Variants in DNAH17 observed in about 807,000 individuals in gnomAD.
The protein encoded by DNAH17 is dynein axonemal heavy chain 17, also known as axonemal beta dynein heavy chain 17.
DNAH17 carries 376 observed loss-of-function variants against 485.6 expected under a neutral mutation model. The ratio of observed to expected loss-of-function variants is 0.77; its 90% CI spans 0.71 to 0.84. DNAH17 has a LOEUF of 0.84. Among genes scored for constraint, DNAH17 ranks in the 40% least tolerant of loss-of-function variants. The pLI, the probability that DNAH17 is intolerant of heterozygous loss-of-function variation, is 0.00. For synonymous variants in DNAH17, 3,031 were observed against 2,405.9 expected (o/e 1.26, Z -7.60); for missense variants, 6,370 against 5,839.3 (o/e 1.09, Z -2.96).
chr17:78,467,666 GGA>G (rs2146561606), intron 55 of DNAH17, among the ~76,000 whole-genome samples: 1 of 152,280 alleles, frequency 6.6e-6, no homozygotes, highest in Admixed American at 6.5e-5. Context: ...ACTGAACTCT[GGA>G]GAGGACGGGG....
At chr17:78,434,277 T>C (rs2086789374) in intron 74 of DNAH17, 57 bp from the exon 75 acceptor site, 2 of 1,492,892 alleles carry the variant, frequency 1.3e-6, no homozygotes, top group Non-Finnish European at 1.8e-6. Context: ...TACACAGAAA[T>C]GCCCCTGAGG....
chr17:78,558,364 G>GA (rs1384455246), intron 13 of DNAH17, 110 bp from the exon 14 acceptor site: 19 of 1,344,646 alleles, frequency 1.4e-5, no homozygotes, highest in Non-Finnish European at 1.9e-5. Flanking sequence ...AGCCGGGGGG[G>GA]ATCTCAAAGT....
intron 11 of DNAH17, among the ~76,000 whole-genome samples, chr17:78,564,049 GC>G (rs1263270372): frequency 6.6e-6 from 1 of 152,186 alleles, no homozygotes; most frequent in Non-Finnish European, 1.5e-5. Context: ...AAAGCCTGGG[GC>G]GGGGTGACTG....
rs371016100 is a variant in DNAH17, at chr17:78,541,377, GTGGATGGA to G, written c.2533-1505_2533-1498del. On this transcript the variant is annotated intron_variant, in intron 17 of 80. Transcript: ENST00000389840. ...ATGAATGTGGTGGGTAGATGTGTAAGTGGATGGATGGATGGATGGATGGGTGGATGGTT... is the reference window on the plus strand; with the variant it reads ...ATGAATGTGGTGGGTAGATGTGTAAGTGGATGGATGGATGGGTGGATGGTT... Among the ~76,000 whole-genome samples the G allele has an allele frequency of 3.2e-4, 48 of 148,526 alleles. No individual in the cohort carries two copies. In the Middle Eastern group the frequency reaches 0.014, roughly 43 times the overall value.
intron 80 of DNAH17, chr17:78,424,490 CT>C (rs1287283141): frequency 3.4e-6 from 1 of 297,274 alleles, no homozygotes; most frequent in Non-Finnish European, 6.4e-6. Context: ...GTAAAGTTCC[CT>C]GATTCTTAAT....
chr17:78,569,048 CACTT>C lies in DNAH17; in HGVS notation c.1284+114_1284+117del, dbSNP rs748665944. 3.5e-4 allele frequency: 277 copies of C among 792,082 alleles called. 1 individual carries two copies. Among genetic ancestry groups the C allele is most frequent in the Non-Finnish European group, 5.2e-4 (256 of 488,746 alleles). The allele number at this position is 792,082 out of a possible 1,614,324, so 49.1% of individuals were successfully genotyped here. On this transcript the variant is annotated intron_variant, in intron 9 of 80. Coordinates refer to ENST00000389840, the MANE Select transcript of DNAH17 (RefSeq NM_173628.4). Reference sequence around the variant, plus strand: ...TTCCTCATAACAGATATTTGGGCCTCACTTATTTTCTGCCTGGGGGATTATTGGC... The same window carrying C: ...TTCCTCATAACAGATATTTGGGCCTCATTTTCTGCCTGGGGGATTATTGGC...
intron 37 of DNAH17, 100 bp from the exon 38 acceptor site, chr17:78,496,132 C>T (rs762149505): frequency 3.9e-5 from 52 of 1,340,608 alleles, no homozygotes; most frequent in South Asian, 8.3e-5. Flanking sequence ...TGCGAATTTG[C>T]GCCTGCAAAT....
At chr17:78,515,871 G>A (rs567496984) in intron 25 of DNAH17, among the ~76,000 whole-genome samples, 5 of 152,314 alleles carry the variant, frequency 3.3e-5, no homozygotes, top group African/African-American at 7.2e-5. Context: ...GCACAGTAAC[G>A]CAGCTTCCAC....
chr17:78,497,478 C>T (rs1297158492), intron 37 of DNAH17, among the ~76,000 whole-genome samples: 2 of 152,160 alleles, frequency 1.3e-5, no homozygotes, highest in African/African-American at 4.8e-5. Flanking sequence ...CTGTGGTCTC[C>T]ATTGGAGCCC....
In DNAH17 at chr17:78,530,492, C is replaced by T. The variant is rs758038315; in HGVS notation, c.3135G>A (p.Leu1045=). The change falls in exon 21 of 81, where the codon CTG becomes CTA. Residue 1045 remains leucine, a synonymous_variant. Coordinates refer to ENST00000389840, the MANE Select transcript of DNAH17 (RefSeq NM_173628.4). ...TCTCGCACTTGGACACCTCCTCATA[C>T]AGCTTCTCGTAGGAGTCGATCTGGA... ...FQEQIDSYEK[L]YEEVSKCENT... The T allele has an allele frequency of 5.6e-6, 9 of 1,609,526 alleles. No homozygotes were observed. In the East Asian group the frequency reaches 1.8e-4, roughly 32 times the overall value.
At chr17:78,549,818 A>G (rs1286417066) in intron 16 of DNAH17, among the ~76,000 whole-genome samples, 1 of 152,142 alleles carries the variant, frequency 6.6e-6, no homozygotes, top group Non-Finnish European at 1.5e-5. Flanking sequence ...CACCGCCCAG[A>G]GCCTGCAGCC....
Position 78,472,723 on chromosome 17 carries a change from G to A in DNAH17, c.8511+2555C>T, listed in dbSNP as rs1344057909. The stretch of plus-strand genomic sequence containing the variant: ...CGAGGTCACGCACGCTGTCTCGGCA[G>A]GCACAGCCCTCGCTGGCCCTGGTTT... On this transcript the variant is annotated intron_variant, in intron 54 of 80. Coordinates refer to ENST00000389840, the MANE Select transcript of DNAH17 (RefSeq NM_173628.4). 15 of 454,926 alleles carry A rather than the reference G, an allele frequency of 3.3e-5. No individual in the cohort carries two copies. In the East Asian group the frequency reaches 1.1e-3, roughly 32 times the overall value. 28.2% of individuals were successfully genotyped at this position (454,926 alleles called of 1,614,324 possible). A position where few individuals can be genotyped will look rare whatever the true frequency, so the allele number is the denominator to read the frequency against.
At position 78,526,744 on chromosome 17, in the gene DNAH17, G is replaced by C. The variant is rs374211459; in HGVS notation, c.3625-7C>G. On this transcript the variant is annotated splice_polypyrimidine_tract_variant and splice_region_variant and intron_variant, in intron 23 of 80. Transcript: ENST00000389840. ...TGAACTCATGTTGCTTGAGCTGCGA[G>C]AGAAGAGTGCAAAGTACAGAGAGTC... 29 of 1,603,534 alleles carry C rather than the reference G, an allele frequency of 1.8e-5. No homozygotes were observed. Among genetic ancestry groups the C allele is most frequent in the Non-Finnish European group, 2.4e-5 (28 of 1,172,914 alleles).
intron 17 of DNAH17, among the ~76,000 whole-genome samples, chr17:78,540,869 G>A (rs113198173): frequency 0.58 from 85 of 146 alleles, 39 homozygotes; most frequent in Non-Finnish European, 0.7. Flanking sequence ...GTGGGTGGAT[G>A]GGTGGGTGGA....
Position 78,429,128 on chromosome 17 carries a change from T to G in DNAH17, c.12398A>C (p.Asp4133Ala), listed in dbSNP as rs2086585510. Residue 4133 changes from aspartate to alanine, a missense_variant, in exon 76 of 81, where the codon GAC becomes GCC. Transcript: ENST00000389840. ...APGFQIPPNLDYKGYHEYIDE... is the reference protein window; with the variant it reads ...APGFQIPPNLAYKGYHEYIDE... ...TTAACTTGTCATCCTTACCTTGTAGTCCAGGTTGGGGGGGATCTGAAAGCC... is the reference window on the plus strand; with the variant it reads ...TTAACTTGTCATCCTTACCTTGTAGGCCAGGTTGGGGGGGATCTGAAAGCC... 6.2e-7 allele frequency: 1 copy of G among 1,612,550 alleles called. No individual in the cohort carries two copies. Among genetic ancestry groups the G allele is most frequent in the Non-Finnish European group, 8.5e-7 (1 of 1,179,282 alleles).
chr17:78,468,636 T>C lies in DNAH17; in HGVS notation c.8759A>G (p.Lys2920Arg), dbSNP rs1372639151. The change falls in exon 55 of 81, where the codon AAA becomes AGA. Residue 2920 changes from lysine (K) to arginine (R), a missense_variant. Physicochemically the swap from Lys to Arg is conservative, Grantham distance 26. Transcript: ENST00000389840. The part of the protein sequence containing the change: ...RETCWKFFIE[K>R]VRRQLKVILC... ...CCCCACCTTGAGCTGTCTGCGCACT[T>C]TTTCGATGAAGAACTTCCAACATGT... 7 of 1,613,610 alleles carry C rather than the reference T, an allele frequency of 4.3e-6. No individual in the cohort carries two copies. The South Asian group carries it at 4.4e-5, about 10-fold the overall frequency.
chr17:78,569,347 T>C, intron 8 of DNAH17, 28 bp downstream of exon 8: 3 of 1,611,380 alleles, frequency 1.9e-6, no homozygotes, highest in South Asian at 1.1e-5. Context: ...CGTCCTGCCT[T>C]GGCCCTCGCC....
intron 44 of DNAH17, among the ~76,000 whole-genome samples, chr17:78,488,737 T>C (rs2089720997): frequency 1.3e-5 from 2 of 152,272 alleles, no homozygotes; most frequent in African/African-American, 4.8e-5. Context: ...GACAAGATCA[T>C]CCTGGATTTA....
chr17:78,431,900 G>A (rs6501211), intron 75 of DNAH17, among the ~76,000 whole-genome samples: 2,821 of 152,190 alleles, frequency 0.019, 74 homozygotes, highest in African/African-American at 0.062. Flanking sequence ...GGCCAGGTGC[G>A]GTGGCTCACG....
Sources: allele counts gnomAD v4.1 joint callset (sites outside exome capture counted in the v4.1 genomes callset), GRCh38; gene constraint gnomAD v4.1.1; transcripts MANE v1.5; gene names NCBI Gene and HGNC (gene_info 2026-07-23, HGNC 2026-07-21).